Variants in HDAC9 observed in about 807,000 individuals in gnomAD.
The protein encoded by HDAC9 is MEF-2 interacting transcription repressor (MITR) protein.
HDAC9 carries 41 observed loss-of-function variants against 139.4 expected under a neutral mutation model. The observed-to-expected ratio is 0.29, with a 90% CI of 0.23 to 0.38. HDAC9 has a LOEUF of 0.38. HDAC9 is among the 10% of genes least tolerant of loss of function. The pLI, the probability that HDAC9 is intolerant of heterozygous loss-of-function variation, is 1.00. For synonymous variants in HDAC9, 517 were observed against 476.2 expected (o/e 1.09, Z -1.12); for missense variants, 1,147 against 1,297.0 (o/e 0.88, Z 1.78).
At chr7:18,334,400 T>C (rs1781432914) in intron 1 of HDAC9, among the ~76,000 whole-genome samples, 1 of 151,476 alleles carries the variant, frequency 6.6e-6, no homozygotes, top group Admixed American at 6.6e-5. Flanking sequence ...TCACCAGAGA[T>C]GGATAAAAAG....
chr7:18,112,915 C>T (rs191703187), intron 1 of HDAC9, among the ~76,000 whole-genome samples: 15 of 152,010 alleles, frequency 9.9e-5, no homozygotes, highest in Admixed American at 7.9e-4. Flanking sequence ...TTTGGGAGAG[C>T]GTTTGTTTGT....
At chr7:18,807,771 T>C in intron 17 of HDAC9, among the ~76,000 whole-genome samples, 1 of 152,226 alleles carries the variant, frequency 6.6e-6, no homozygotes, top group East Asian at 1.9e-4. Flanking sequence ...TTTCATACTC[T>C]TGTGGTCAGA....
At chr7:18,549,063 C>T (rs567508624) in intron 2 of HDAC9, among the ~76,000 whole-genome samples, 1 of 152,148 alleles carries the variant, frequency 6.6e-6, no homozygotes, top group African/African-American at 2.4e-5. Context: ...TATGGTGAAA[C>T]CCCATCTCTA....
chr7:18,242,743 A>G (rs1794266127), intron 2 of HDAC9, among the ~76,000 whole-genome samples: 1 of 152,030 alleles, frequency 6.6e-6, no homozygotes, highest in East Asian at 1.9e-4. Context: ...TCTCCACTTC[A>G]GGTGCTTCTC....
At chr7:18,179,914 A>G (rs1328496539) in intron 2 of HDAC9, among the ~76,000 whole-genome samples, 1 of 152,128 alleles carries the variant, frequency 6.6e-6, no homozygotes, top group Non-Finnish European at 1.5e-5. Context: ...TTTTCTCTCA[A>G]CCGTGACCTG....
At chr7:18,957,500 C>T (rs1783235276) in intron 24 of HDAC9, among the ~76,000 whole-genome samples, 1 of 152,148 alleles carries the variant, frequency 6.6e-6, no homozygotes, top group Non-Finnish European at 1.5e-5. Context: ...TTTGGGACTC[C>T]AGGACCCTAA....
chr7:18,129,035 A>G (rs889404543), intron 1 of HDAC9, among the ~76,000 whole-genome samples: 4 of 152,164 alleles, frequency 2.6e-5, no homozygotes, highest in African/African-American at 9.6e-5. Context: ...GAGAGAACAT[A>G]ACATAAGCCC....
chr7:18,549,159 A>T (rs1411685599), intron 2 of HDAC9, among the ~76,000 whole-genome samples: 1 of 152,178 alleles, frequency 6.6e-6, no homozygotes, highest in African/African-American at 2.4e-5. Context: ...AATCGCTTGG[A>T]CCTGGGAGGT....
intron 2 of HDAC9, among the ~76,000 whole-genome samples, chr7:18,196,757 G>T (rs1790758116): frequency 6.6e-6 from 1 of 152,154 alleles, no homozygotes; most frequent in Non-Finnish European, 1.5e-5. Context: ...AAGGGTGTAG[G>T]GGTGTGGGGC....
intron 2 of HDAC9, among the ~76,000 whole-genome samples, chr7:18,270,896 A>G (rs887209617): frequency 6.6e-6 from 1 of 152,194 alleles, no homozygotes; most frequent in Non-Finnish European, 1.5e-5. Flanking sequence ...ATAAATAACA[A>G]GTTAACAAAA....
At chr7:18,155,759 A>C (rs552939293) in intron 1 of HDAC9, among the ~76,000 whole-genome samples, 2 of 152,300 alleles carry the variant, frequency 1.3e-5, no homozygotes, top group East Asian at 3.9e-4. Flanking sequence ...AAGTCAGCAA[A>C]CCTTTGGCAG....
chr7:18,427,276 A>G (rs185061076), intron 1 of HDAC9, among the ~76,000 whole-genome samples: 4 of 152,270 alleles, frequency 2.6e-5, no homozygotes, highest in Admixed American at 2.0e-4. Context: ...CTACAGCCTT[A>G]TCTTTTTTGT....
chr7:18,936,879 T>G (rs930652847), intron 23 of HDAC9, among the ~76,000 whole-genome samples: 2 of 152,054 alleles, frequency 1.3e-5, no homozygotes, highest in Non-Finnish European at 2.9e-5. Flanking sequence ...ATAGAACACA[T>G]AGTTACTATT....
Position 18,549,204 on chromosome 7 carries a change from C to T in HDAC9, c.23-36077C>T, listed in dbSNP as rs1032220090. Among the ~76,000 whole-genome samples the T allele has an allele frequency of 2.0e-5, 3 of 152,276 alleles. No homozygotes were observed. The East Asian group carries it at 5.8e-4, about 29-fold the overall frequency. On this transcript the variant is annotated intron_variant, in intron 2 of 25. Coordinates refer to ENST00000686413, the MANE Select transcript of HDAC9 (RefSeq NM_178425.4). ...AGTGAGCTGAGATTGCACCACTGCA[C>T]TCCAGCCTGGTGACAGAGCAAGACT...
intron 1 of HDAC9, among the ~76,000 whole-genome samples, chr7:18,383,370 G>C (rs1585515088): frequency 6.6e-6 from 1 of 152,232 alleles, no homozygotes; most frequent in East Asian, 1.9e-4. Context: ...CGTGATCTCA[G>C]AACTAGATGA....
rs1468068760 is a variant in HDAC9, at chr7:18,767,163, C to T, written c.2214+8C>T. On this transcript the variant is annotated splice_region_variant and intron_variant, in intron 16 of 25. Transcript: ENST00000686413. ...CCTTGTGGTGGACTTGGGGTAAGTA[C>T]AAGTTGGTTTACTGCCTTTAAATAA... 2.6e-6 allele frequency: 4 copies of T among 1,551,360 alleles called. No homozygotes were observed. The highest frequency in any genetic ancestry group is 2.8e-5 in the African/African-American group (2 of 72,322).
intron 2 of HDAC9, among the ~76,000 whole-genome samples, chr7:18,237,153 G>C (rs1464801477): frequency 1.3e-5 from 2 of 152,196 alleles, no homozygotes; most frequent in African/African-American, 4.8e-5. Context: ...ACTGTTGTTG[G>C]TTGGGGAGCC....
At chr7:18,976,433 C>G (rs1375024346) in intron 25 of HDAC9, among the ~76,000 whole-genome samples, 1 of 152,154 alleles carries the variant, frequency 6.6e-6, no homozygotes, top group Non-Finnish European at 1.5e-5. Context: ...CGTGGCTGTC[C>G]TTGAGGTCCA....
chr7:18,445,533 T>C (rs1792210208), intron 1 of HDAC9, among the ~76,000 whole-genome samples: 1 of 152,238 alleles, frequency 6.6e-6, no homozygotes, highest in Non-Finnish European at 1.5e-5. Flanking sequence ...AGATTGCATC[T>C]TCCATTGTTG....
Sources: allele counts gnomAD v4.1 joint callset (sites outside exome capture counted in the v4.1 genomes callset), GRCh38; gene constraint gnomAD v4.1.1; transcripts MANE v1.5; gene names NCBI Gene and HGNC (gene_info 2026-07-23, HGNC 2026-07-21).